Variants in ZFP42 observed in about 807,000 individuals in gnomAD.
ZFP42 encodes ZFP42 zinc finger protein.
For synonymous variants in ZFP42, 175 were observed against 144.6 expected, an observed-to-expected ratio of 1.21 and a Z score of -1.51; for missense variants, 438 against 377.1, an observed-to-expected ratio of 1.16 and a Z score of -1.34.
intron 3 of ZFP42, among the ~76,000 whole-genome samples, chr4:188,001,676 T>A (rs1160596085): frequency 6.6e-6 from 1 of 152,148 alleles, no homozygotes; most frequent in Non-Finnish European, 1.5e-5. Context: ...CCCACAAAGC[T>A]AAAATCTGGC....
chr4:188,000,860 G>A (rs1428982875), intron 3 of ZFP42, among the ~76,000 whole-genome samples: 1 of 152,124 alleles, frequency 6.6e-6, no homozygotes, highest in Admixed American at 6.5e-5. Flanking sequence ...GGCGGGGCGG[G>A]GGGGCGCCTG....
intron 1 of ZFP42, among the ~76,000 whole-genome samples, chr4:187,996,993 A>ATGGAGCATGGAGCGTGGAGCG (rs1161984299): frequency 9.0e-6 from 1 of 110,688 alleles, no homozygotes; most frequent in Non-Finnish European, 2.0e-5. Context: ...TGTAGGGAGC[A>ATGGAGCATGGAGCGTGGAGCG]TGGAGCATGG....
Position 188,004,989 on chromosome 4 carries a change from ATGT to A in ZFP42, c.*1251_*1253del, listed in dbSNP as rs1041432894. 1.8e-5 allele frequency: 3 copies of A among 167,104 alleles called. No individual in the cohort carries two copies. The highest frequency in any genetic ancestry group is 4.4e-5 in the Non-Finnish European group (3 of 68,124). 10.4% of individuals were successfully genotyped at this position (167,104 alleles called of 1,614,324 possible). On this transcript the variant is annotated 3_prime_UTR_variant, in exon 4 of 4. Transcript: ENST00000326866. ...TATGGTTAGATGTGATTATTTGATA[ATGT>A]TAGTCCATTTGAATCCATTTTAGAT...
At position 188,003,564 on chromosome 4, in the gene ZFP42, G is replaced by A. The variant is rs1733933243; in HGVS notation, c.757G>A (p.Gly253Arg). 7 of 1,613,468 alleles carry A rather than the reference G, an allele frequency of 4.3e-6. No homozygotes were observed. Among genetic ancestry groups the A allele is most frequent in the African/African-American group, 1.3e-5 (1 of 74,940 alleles). The change falls in exon 4 of 4, where the codon GGA becomes AGA. Residue 253 changes from glycine (G) to arginine (R), a missense_variant. Coordinates refer to ENST00000326866, the MANE Select transcript of ZFP42 (RefSeq NM_174900.5). ...KPFRCTFEGC[G>R]KRFSLDFNLR... ...GTTTCGGTGCACTTTTGAAGGGTGCGGAAAGCGCTTCTCTCTGGACTTTAA... is the reference window on the plus strand; with the variant it reads ...GTTTCGGTGCACTTTTGAAGGGTGCAGAAAGCGCTTCTCTCTGGACTTTAA...
At chr4:187,997,128 TCC>T (rs1384822155) in intron 1 of ZFP42, among the ~76,000 whole-genome samples, 4 of 151,826 alleles carry the variant, frequency 2.6e-5, no homozygotes, top group Admixed American at 6.6e-5. Context: ...CGTGCACTTT[TCC>T]TCCTGCCCAC....
Position 188,003,227 on chromosome 4 carries a change from G to T in ZFP42, c.420G>T (p.Ser140=). The T allele has an allele frequency of 6.2e-7, 1 of 1,613,988 alleles. No homozygotes were observed. The highest frequency in any genetic ancestry group is 8.5e-7 in the Non-Finnish European group (1 of 1,179,998). ...ELPQKIVGEN[S]LEYSEYMTGK... is the part of the protein sequence containing the mutation. ...CACAAAAGATAGTTGGAGAGAATTCGCTTGAGTATTCTGAGTACATGACAG... is the reference window on the plus strand; with the variant it reads ...CACAAAAGATAGTTGGAGAGAATTCTCTTGAGTATTCTGAGTACATGACAG... Residue 140 remains serine, a synonymous_variant, in exon 4 of 4, where the codon TCG becomes TCT. Transcript: ENST00000326866.
At chr4:188,001,903 G>A (rs768260261) in intron 3 of ZFP42, among the ~76,000 whole-genome samples, 6 of 152,238 alleles carry the variant, frequency 3.9e-5, no homozygotes, top group Non-Finnish European at 5.9e-5. Context: ...ATAGGGCCAG[G>A]CATGGTGGCT....
At chr4:188,002,101 CG>C (rs1367515440) in intron 3 of ZFP42, among the ~76,000 whole-genome samples, 2 of 152,100 alleles carry the variant, frequency 1.3e-5, no homozygotes, top group African/African-American at 2.4e-5. Flanking sequence ...TGCTTGAACC[CG>C]GGAGGTGGAG....
At position 188,003,212 on chromosome 4, in the gene ZFP42, A is replaced by G; in HGVS notation, c.405A>G (p.Ile135Met). 6.2e-7 allele frequency: 1 copy of G among 1,613,948 alleles called. No individual in the cohort carries two copies. Among genetic ancestry groups the G allele is most frequent in the Non-Finnish European group, 8.5e-7 (1 of 1,179,994 alleles). Residue 135 changes from isoleucine (I) to methionine (M), a missense_variant, in exon 4 of 4, where the codon ATA (isoleucine) becomes ATG (methionine). Coordinates refer to ENST00000326866, the MANE Select transcript of ZFP42 (RefSeq NM_174900.5). ...TAAAGAAAGAGCTTCCACAAAAGAT[A>G]GTTGGAGAGAATTCGCTTGAGTATT... is the stretch of plus-strand genomic sequence containing the variant. ...KGVKKELPQK[I>M]VGENSLEYSE...
intron 3 of ZFP42, among the ~76,000 whole-genome samples, chr4:188,000,599 C>A (rs113175942): frequency 0.018 from 2,699 of 152,072 alleles, 84 homozygotes; most frequent in African/African-American, 0.062. Context: ...GTCTTAAACT[C>A]CTGATCTCAG....
In ZFP42 at chr4:188,002,991, G is replaced by T. The variant is rs746615412; in HGVS notation, c.184G>T (p.Ala62Ser). 15 of 1,614,074 alleles carry T rather than the reference G, an allele frequency of 9.3e-6. No individual in the cohort carries two copies. Among genetic ancestry groups the T allele is most frequent in the Non-Finnish European group, 1.3e-5 (15 of 1,180,054 alleles). Residue 62 changes from alanine to serine, a missense_variant, in exon 4 of 4, where the codon GCT becomes TCT. Physicochemically the swap from Ala to Ser is moderately conservative, Grantham distance 99. Coordinates refer to ENST00000326866, the MANE Select transcript of ZFP42 (RefSeq NM_174900.5). ...GYVCYEPGPQ[A>S]LGGDDFSDCY... ...TGTGTGCTATGAGCCTGGCCCTCAGGCTCTCGGAGGGGATGATTTCTCAGA... is the reference window on the plus strand; with the variant it reads ...TGTGTGCTATGAGCCTGGCCCTCAGTCTCTCGGAGGGGATGATTTCTCAGA...
Position 188,002,974 on chromosome 4 carries a change from A to C in ZFP42, c.167A>C (p.Tyr56Ser). Residue 56 changes from tyrosine (Y) to serine (S), a missense_variant, in exon 4 of 4, where the codon TAT becomes TCT. Coordinates refer to ENST00000326866, the MANE Select transcript of ZFP42 (RefSeq NM_174900.5). Reference sequence around the variant, plus strand: ...GCCTTATGTGATGGCTATGTGTGCTATGAGCCTGGCCCTCAGGCTCTCGGA... The same window carrying C: ...GCCTTATGTGATGGCTATGTGTGCTCTGAGCCTGGCCCTCAGGCTCTCGGA... ...VWALCDGYVC[Y>S]EPGPQALGGD... 2 of 1,614,098 alleles carry C rather than the reference A, an allele frequency of 1.2e-6. No homozygotes were observed. Among genetic ancestry groups the C allele is most frequent in the Non-Finnish European group, 1.7e-6 (2 of 1,180,004 alleles).
intron 1 of ZFP42, among the ~76,000 whole-genome samples, chr4:187,997,542 C>CT (rs995690899): frequency 1.3e-5 from 2 of 151,678 alleles, no homozygotes; most frequent in African/African-American, 2.4e-5. Context: ...CCGCCCCGAC[C>CT]TTTTTTTTAA....
intron 3 of ZFP42, 84 bp from the exon 4 acceptor site, chr4:188,002,629 T>C (rs927625928): frequency 3.3e-6 from 2 of 609,972 alleles, no homozygotes; most frequent in Non-Finnish European, 5.9e-6. Flanking sequence ...AAATGTATTA[T>C]TGGAAAATGT....
chr4:188,001,643 T>C (rs1390276098), intron 3 of ZFP42, among the ~76,000 whole-genome samples: 4 of 152,190 alleles, frequency 2.6e-5, no homozygotes, highest in African/African-American at 9.7e-5. Context: ...CAAAGTTGAA[T>C]AGTTTCAACA....
intron 1 of ZFP42, among the ~76,000 whole-genome samples, chr4:187,998,084 C>G (rs1733670075): frequency 6.6e-6 from 1 of 152,178 alleles, no homozygotes. Context: ...CGCCTGTAAT[C>G]CCAGCATTTT....
Position 188,003,098 on chromosome 4 carries a change from C to T in ZFP42, c.291C>T (p.Tyr97=), listed in dbSNP as rs765823729. ...EEDSLFESLE[Y]LKKGSEQQLS... Reference sequence around the variant, plus strand: ...ACTCACTTTTTGAGTCCTTGGAATACCTAAAGAAAGGATCAGAACAACAGC... The same window carrying T: ...ACTCACTTTTTGAGTCCTTGGAATATCTAAAGAAAGGATCAGAACAACAGC... The change falls in exon 4 of 4, where the codon TAC becomes TAT. Residue 97 remains tyrosine, a synonymous_variant. Coordinates refer to ENST00000326866, the MANE Select transcript of ZFP42 (RefSeq NM_174900.5). 1.9e-6 allele frequency: 3 copies of T among 1,613,964 alleles called. No homozygotes were observed. Among genetic ancestry groups the T allele is most frequent in the Non-Finnish European group, 1.7e-6 (2 of 1,180,012 alleles).
chr4:188,001,778 T>G, intron 3 of ZFP42, among the ~76,000 whole-genome samples: 1 of 152,292 alleles, frequency 6.6e-6, no homozygotes, highest in East Asian at 1.9e-4. Context: ...AAAAAGGTAA[T>G]AAAATAACAC....
intron 1 of ZFP42, among the ~76,000 whole-genome samples, chr4:187,997,267 CT>C (rs1474337477): frequency 1.5e-5 from 1 of 65,500 alleles, no homozygotes; most frequent in Non-Finnish European, 2.6e-5. Context: ...GAGTTTTGCT[CT>C]TGTCGCTTGG....
Sources: gnomAD v4.1 joint callset for allele counts (sites outside exome capture counted in the v4.1 genomes callset) on GRCh38, gnomAD v4.1.1 for gene constraint, MANE v1.5 for transcripts, NCBI Gene and HGNC (gene_info 2026-07-23, HGNC 2026-07-21) for gene names.